GMDS: variants seen among roughly 807,000 people sequenced by gnomAD.
The protein encoded by GMDS is GDP-mannose 4,6-dehydratase.
In GMDS, 20 loss-of-function variants were observed where a neutral mutation model predicts 49.9. That is an observed-to-expected ratio of 0.40 (90% CI 0.28 to 0.58). The LOEUF (loss-of-function observed/expected upper bound fraction) is 0.58, where lower values mean the gene tolerates loss of function less well. Ranked by LOEUF, GMDS falls within the 20% of genes least tolerant of loss-of-function variation. The pLI is 0.42. For synonymous variants in GMDS, 177 were observed against 178.6 expected, an observed-to-expected ratio of 0.99 and a Z score of 0.07; for missense variants, 362 against 481.4, an observed-to-expected ratio of 0.75 and a Z score of 2.32.
intron 1 of GMDS, among the ~76,000 whole-genome samples, chr6:2,220,281 T>C (rs1361388408): frequency 1.3e-5 from 2 of 152,300 alleles, no homozygotes; most frequent in African/African-American, 4.8e-5. Flanking sequence ...TACGGTAACC[T>C]TTTAGTCAAC....
chr6:2,015,962 A>C (rs994262404), intron 4 of GMDS, among the ~76,000 whole-genome samples: 1 of 151,564 alleles, frequency 6.6e-6, no homozygotes, highest in Admixed American at 6.6e-5. Flanking sequence ...GGAAGGCTAG[A>C]TGTAGCAGCA....
rs147384252 is a variant in GMDS, at chr6:1,779,043, G to A, written c.772-36457C>T. Among the ~76,000 whole-genome samples, 1,107 of 152,084 alleles carry A rather than the reference G, an allele frequency of 7.3e-3. 6 individuals are homozygous for A. The highest frequency in any genetic ancestry group is 0.01 in the Non-Finnish European group (710 of 67,984). ...GCTGGGGTGGGAGTGAGGAGGGAGCGCTCAAGTGGGGGTCTCAAGAGAAAT... is the reference window on the plus strand; with the variant it reads ...GCTGGGGTGGGAGTGAGGAGGGAGCACTCAAGTGGGGGTCTCAAGAGAAAT... On this transcript the variant is annotated intron_variant, in intron 7 of 10. Coordinates refer to ENST00000380815, the MANE Select transcript of GMDS (RefSeq NM_001500.4).
At chr6:2,114,912 CTGAAA>C (rs974851307) in intron 4 of GMDS, among the ~76,000 whole-genome samples, 6 of 151,992 alleles carry the variant, frequency 3.9e-5, no homozygotes, top group African/African-American at 1.4e-4. Context: ...GAAAAACTTT[CTGAAA>C]TAAGACTCCT....
chr6:1,738,898 C>T (rs1767151987), intron 8 of GMDS, among the ~76,000 whole-genome samples: 1 of 152,226 alleles, frequency 6.6e-6, no homozygotes, highest in Non-Finnish European at 1.5e-5. Context: ...TTCCCTCAAG[C>T]TGTCCCCACC....
At chr6:1,773,920 A>G (rs1311968627) in intron 7 of GMDS, among the ~76,000 whole-genome samples, 8 of 152,238 alleles carry the variant, frequency 5.3e-5, no homozygotes, top group African/African-American at 1.9e-4. Flanking sequence ...AAAAGTTCAA[A>G]CCACTATACA....
intron 4 of GMDS, among the ~76,000 whole-genome samples, chr6:2,017,314 T>TTA (rs1320886959): frequency 2.6e-5 from 4 of 150,988 alleles, no homozygotes; most frequent in African/African-American, 9.9e-5. Flanking sequence ...TTTTTATTTT[T>TTA]TTTTTTCCCC....
chr6:1,736,594 C>A (rs1334057596), intron 8 of GMDS, among the ~76,000 whole-genome samples: 6 of 152,152 alleles, frequency 3.9e-5, no homozygotes, highest in African/African-American at 1.4e-4. Flanking sequence ...CACTCAGTGT[C>A]ACAGATTTTA....
At chr6:1,987,331 G>A (rs1409547138) in intron 4 of GMDS, among the ~76,000 whole-genome samples, 2 of 151,784 alleles carry the variant, frequency 1.3e-5, no homozygotes, top group South Asian at 2.1e-4. Context: ...AAACACACTC[G>A]AAGTTTAAAA....
chr6:1,895,440 T>A (rs13218267), intron 7 of GMDS, among the ~76,000 whole-genome samples: 48,977 of 152,064 alleles, frequency 0.32, 7,853 homozygotes, highest in Middle Eastern at 0.38. Context: ...CCCACTAAGG[T>A]AACCAGTGAC....
intron 4 of GMDS, among the ~76,000 whole-genome samples, chr6:2,078,216 A>G (rs1165995181): frequency 6.6e-6 from 1 of 152,080 alleles, no homozygotes; most frequent in African/African-American, 2.4e-5. Flanking sequence ...TTTTCAAAGA[A>G]TCAACTTTTC....
At chr6:2,168,580 C>A (rs555772944) in intron 1 of GMDS, among the ~76,000 whole-genome samples, 14 of 152,316 alleles carry the variant, frequency 9.2e-5, no homozygotes, top group African/African-American at 3.4e-4. Context: ...AACTATGCTT[C>A]CATTTCATAA....
At chr6:1,665,176 C>A (rs1393489605) in intron 9 of GMDS, among the ~76,000 whole-genome samples, 2 of 152,110 alleles carry the variant, frequency 1.3e-5, no homozygotes, top group Non-Finnish European at 2.9e-5. Flanking sequence ...TATACATGTG[C>A]CATGTTGGTG....
At chr6:1,976,116 T>C (rs1222132846) in intron 4 of GMDS, among the ~76,000 whole-genome samples, 1 of 152,218 alleles carries the variant, frequency 6.6e-6, no homozygotes, top group African/African-American at 2.4e-5. Flanking sequence ...TGATTTAGGC[T>C]TTGTAAAATA....
At chr6:2,240,541 T>C (rs944686750) in intron 1 of GMDS, among the ~76,000 whole-genome samples, 12 of 150,092 alleles carry the variant, frequency 8.0e-5, no homozygotes, top group South Asian at 4.2e-4. Flanking sequence ...AAGGTAGAGG[T>C]TGCAGTAAAC....
At chr6:1,645,405 G>A (rs1763456330) in intron 9 of GMDS, among the ~76,000 whole-genome samples, 1 of 152,196 alleles carries the variant, frequency 6.6e-6, no homozygotes, top group East Asian at 1.9e-4. Flanking sequence ...CTTGATGGCA[G>A]AAGGCACTTT....
intron 6 of GMDS, among the ~76,000 whole-genome samples, chr6:1,944,271 C>A (rs1762953728): frequency 6.6e-6 from 1 of 152,144 alleles, no homozygotes; most frequent in South Asian, 2.1e-4. Context: ...CCTTGGGAGG[C>A]CGAGGCGGAC....
intron 7 of GMDS, among the ~76,000 whole-genome samples, chr6:1,819,418 C>T (rs1353306783): frequency 1.3e-5 from 2 of 152,104 alleles, no homozygotes; most frequent in Non-Finnish European, 2.9e-5. Context: ...AGAAAAGTCA[C>T]ATGGAAAAGC....
chr6:2,159,523 T>TC (rs1777283380), intron 1 of GMDS, among the ~76,000 whole-genome samples: 1 of 141,724 alleles, frequency 7.1e-6, no homozygotes. Flanking sequence ...TCTTTTTTTT[T>TC]TTTTTTTTTT....
chr6:1,762,557 G>A (rs556161066), intron 7 of GMDS, among the ~76,000 whole-genome samples: 84 of 152,342 alleles, frequency 5.5e-4, no homozygotes, highest in Admixed American at 5.4e-3. Flanking sequence ...ATCACACAGG[G>A]CTTATGATGA....
Sources: gnomAD v4.1 joint callset for allele counts (sites outside exome capture counted in the v4.1 genomes callset) on GRCh38, gnomAD v4.1.1 for gene constraint, MANE v1.5 for transcripts, NCBI Gene and HGNC (gene_info 2026-07-23, HGNC 2026-07-21) for gene names.